TMEM74: variants seen among roughly 807,000 people sequenced by gnomAD.
The protein encoded by TMEM74 is transmembrane protein 74.
A neutral mutation model predicts 18.1 loss-of-function variants in TMEM74; 13 were observed. The ratio of observed to expected loss-of-function variants is 0.72; its 90% CI spans 0.47 to 1.14. The LOEUF is 1.14. Among genes scored for constraint, TMEM74 ranks in the 50% most tolerant of loss-of-function variants. TMEM74 has a pLI of 0.00. For missense variants in TMEM74, 372 were observed against 375.9 expected (o/e 0.99, Z 0.09); for synonymous variants, 159 against 146.6 (o/e 1.08, Z -0.61).
intron 1 of TMEM74, among the ~76,000 whole-genome samples, chr8:108,770,885 T>C (rs1426787529): frequency 6.6e-6 from 1 of 152,136 alleles, no homozygotes; most frequent in East Asian, 1.9e-4. Flanking sequence ...GAGAGCCTCC[T>C]TCCTACCCCT....
intron 2 of TMEM74, among the ~76,000 whole-genome samples, chr8:108,649,464 T>C (rs980877809): frequency 6.6e-6 from 1 of 152,232 alleles, no homozygotes; most frequent in Non-Finnish European, 1.5e-5. Context: ...GGAAAACTTA[T>C]GTTTATGTTT....
chr8:108,657,842 C>CAAAAAA (rs1157229913), intron 1 of TMEM74, among the ~76,000 whole-genome samples: 5 of 16,682 alleles, frequency 3.0e-4, no homozygotes, highest in Admixed American at 1.1e-3. Context: ...GACACCGTCT[C>CAAAAAA]AAAAAAAAAA....
intron 1 of TMEM74, among the ~76,000 whole-genome samples, chr8:108,746,727 G>C (rs1465349991): frequency 6.6e-6 from 1 of 152,054 alleles, no homozygotes; most frequent in African/African-American, 2.4e-5. Context: ...CACCACTGGG[G>C]AGTGGAGAGG....
intron 1 of TMEM74, among the ~76,000 whole-genome samples, chr8:108,685,192 A>T (rs1379850377): frequency 6.6e-6 from 1 of 151,674 alleles, no homozygotes; most frequent in Non-Finnish European, 1.5e-5. Context: ...TTGTTTTTTC[A>T]TAGCTATTGT....
chr8:108,662,062 G>A (rs1812905205), intron 1 of TMEM74, among the ~76,000 whole-genome samples: 1 of 152,232 alleles, frequency 6.6e-6, no homozygotes, highest in East Asian at 1.9e-4. Flanking sequence ...GATGGAAAAT[G>A]AAAGCAGCTG....
At chr8:108,699,956 T>A (rs1813319113) in intron 1 of TMEM74, among the ~76,000 whole-genome samples, 2 of 152,242 alleles carry the variant, frequency 1.3e-5, no homozygotes, top group Admixed American at 6.5e-5. Flanking sequence ...AGAGACTTTT[T>A]CTTATGGCTA....
intron 1 of TMEM74, among the ~76,000 whole-genome samples, chr8:108,786,666 C>A (rs887260895): frequency 2.0e-5 from 3 of 152,048 alleles, no homozygotes; most frequent in Non-Finnish European, 2.9e-5. Flanking sequence ...TAGAACAAAC[C>A]CCCACTAAAG....
intron 1 of TMEM74, among the ~76,000 whole-genome samples, chr8:108,755,000 A>G (rs2130655378): frequency 6.6e-6 from 1 of 152,168 alleles, no homozygotes; most frequent in East Asian, 1.9e-4. Flanking sequence ...TTCTCAGTCC[A>G]CTGATTCAAA....
chr8:108,612,015 C>T (rs1812339174), intron 2 of TMEM74, among the ~76,000 whole-genome samples: 2 of 151,916 alleles, frequency 1.3e-5, no homozygotes. Flanking sequence ...GAGGAGAGTC[C>T]CTTATAAAAC....
chr8:108,748,759 G>A (rs944632373), intron 1 of TMEM74, among the ~76,000 whole-genome samples: 6 of 150,582 alleles, frequency 4.0e-5, no homozygotes, highest in Admixed American at 1.3e-4. Context: ...TCCATCTTGA[G>A]TTGATTTTTG....
chr8:108,674,181 C>T (rs1813031113), intron 1 of TMEM74, among the ~76,000 whole-genome samples: 1 of 152,028 alleles, frequency 6.6e-6, no homozygotes, highest in African/African-American at 2.4e-5. Context: ...TCTTTTTTCC[C>T]CATATACATG....
chr8:108,681,850 G>C (rs750707551), intron 1 of TMEM74, among the ~76,000 whole-genome samples: 3 of 152,106 alleles, frequency 2.0e-5, no homozygotes, highest in Non-Finnish European at 4.4e-5. Context: ...AAATAAAAAA[G>C]TCATCACCTA....
intron 1 of TMEM74, among the ~76,000 whole-genome samples, chr8:108,656,826 C>T (rs1033268966): frequency 8.5e-5 from 13 of 152,112 alleles, no homozygotes; most frequent in Non-Finnish European, 1.5e-4. Context: ...ATTCTGCTTC[C>T]TTCTTTGGAA....
chr8:108,674,294 TG>T (rs1479679008), intron 1 of TMEM74, among the ~76,000 whole-genome samples: 1 of 152,178 alleles, frequency 6.6e-6, no homozygotes, highest in Non-Finnish European at 1.5e-5. Flanking sequence ...TTGATGTGTT[TG>T]TATGTGTATA....
downstream of TMEM74, among the ~76,000 whole-genome samples, chr8:108,775,851 T>C (rs1217989689): frequency 6.6e-6 from 1 of 152,214 alleles, no homozygotes; most frequent in Admixed American, 6.5e-5. Flanking sequence ...TCTGGTACCC[T>C]GGTTTCCCTC....
chr8:108,715,212 T>G (rs1158658532), intron 1 of TMEM74, among the ~76,000 whole-genome samples: 1 of 152,028 alleles, frequency 6.6e-6, no homozygotes, highest in Non-Finnish European at 1.5e-5. Flanking sequence ...ATATCTTTAT[T>G]TAAGCTAAAT....
intron 1 of TMEM74, among the ~76,000 whole-genome samples, chr8:108,703,949 A>G (rs903464980): frequency 1.3e-5 from 2 of 152,246 alleles, no homozygotes; most frequent in African/African-American, 4.8e-5. Flanking sequence ...TAGCAGAAGT[A>G]AAACTTTTCC....
chr8:108,749,576 T>C (rs189565601), intron 1 of TMEM74, among the ~76,000 whole-genome samples: 30 of 152,310 alleles, frequency 2.0e-4, no homozygotes, highest in African/African-American at 5.5e-4. Flanking sequence ...GGTCTAGATA[T>C]AGGATCATGT....
At chr8:108,615,230 G>T in intron 2 of TMEM74, among the ~76,000 whole-genome samples, 1 of 152,338 alleles carries the variant, frequency 6.6e-6, no homozygotes, top group East Asian at 1.9e-4. Context: ...AGGATGGCTT[G>T]GAAGGGACAG....
Sources: allele counts gnomAD v4.1 joint callset (sites outside exome capture counted in the v4.1 genomes callset), GRCh38; gene constraint gnomAD v4.1.1; transcripts MANE v1.5; gene names NCBI Gene and HGNC (gene_info 2026-07-23, HGNC 2026-07-21).